Variants in KIAA0825 observed in about 807,000 individuals in gnomAD.
KIAA0825 encodes KIAA0825.
A neutral mutation model predicts 147.6 loss-of-function variants in KIAA0825; 119 were observed. The observed-to-expected ratio is 0.81, with a 90% CI of 0.69 to 0.94. The LOEUF is 0.94. Ranked by LOEUF, KIAA0825 falls within the 40% of genes least tolerant of loss-of-function variation. KIAA0825 has a pLI of 0.00. For synonymous variants in KIAA0825, 470 were observed against 518.1 expected, an observed-to-expected ratio of 0.91 and a Z score of 1.26; for missense variants, 1,381 against 1,472.7, an observed-to-expected ratio of 0.94 and a Z score of 1.02.
intron 20 of KIAA0825, among the ~76,000 whole-genome samples, chr5:94,376,218 T>C: frequency 6.6e-6 from 1 of 152,170 alleles, no homozygotes; most frequent in Non-Finnish European, 1.5e-5. Flanking sequence ...TTACAGTAAA[T>C]ATGCAGCTAA....
intron 14 of KIAA0825, among the ~76,000 whole-genome samples, chr5:94,421,060 C>T (rs1754120204): frequency 6.6e-6 from 1 of 152,118 alleles, no homozygotes; most frequent in Non-Finnish European, 1.5e-5. Context: ...TCCTTTTTGG[C>T]ATATCTTTTC....
intron 20 of KIAA0825, among the ~76,000 whole-genome samples, chr5:94,258,787 G>C (rs1200962298): frequency 6.6e-6 from 1 of 151,894 alleles, no homozygotes; most frequent in Non-Finnish European, 1.5e-5. Flanking sequence ...GTTTCTAAAA[G>C]GTAATGACTA....
intron 2 of KIAA0825, among the ~76,000 whole-genome samples, chr5:94,537,583 G>T (rs1371585737): frequency 2.0e-5 from 3 of 149,960 alleles, no homozygotes; most frequent in Non-Finnish European, 4.4e-5. Context: ...CCCAGATGGA[G>T]CTTGCAGTGA....
chr5:94,551,182 A>T (rs148169817), intron 2 of KIAA0825, among the ~76,000 whole-genome samples: 1 of 151,190 alleles, frequency 6.6e-6, no homozygotes, highest in Admixed American at 6.6e-5. Flanking sequence ...ATACAGGAAG[A>T]AAAAAAAATG....
chr5:94,365,510 A>C (rs926699038), intron 20 of KIAA0825, among the ~76,000 whole-genome samples: 2 of 152,228 alleles, frequency 1.3e-5, no homozygotes, highest in Non-Finnish European at 2.9e-5. Flanking sequence ...CCTGTTGCAC[A>C]GTAGATTATT....
chr5:94,476,732 A>G (rs977745261), intron 7 of KIAA0825, among the ~76,000 whole-genome samples: 1 of 152,152 alleles, frequency 6.6e-6, no homozygotes, highest in African/African-American at 2.4e-5. Context: ...GGGACCAAAC[A>G]ATCACAGGAT....
intron 14 of KIAA0825, among the ~76,000 whole-genome samples, chr5:94,435,803 T>G (rs1756287280): frequency 1.3e-5 from 2 of 152,204 alleles, no homozygotes; most frequent in Non-Finnish European, 2.9e-5. Flanking sequence ...GACTTTTTAA[T>G]GATAGCCATT....
intron 20 of KIAA0825, among the ~76,000 whole-genome samples, chr5:94,244,864 TTACTC>T (rs1775527251): frequency 6.6e-6 from 1 of 152,216 alleles, no homozygotes; most frequent in South Asian, 2.1e-4. Flanking sequence ...ACAATTATGA[TTACTC>T]TATAGTTTTA....
At chr5:94,335,700 T>C (rs1317652564) in intron 20 of KIAA0825, among the ~76,000 whole-genome samples, 1 of 152,138 alleles carries the variant, frequency 6.6e-6, no homozygotes, top group Non-Finnish European at 1.5e-5. Flanking sequence ...GCATTTATCC[T>C]ATTCCCATTT....
At chr5:94,326,075 A>G (rs1780657000) in intron 20 of KIAA0825, among the ~76,000 whole-genome samples, 1 of 152,060 alleles carries the variant, frequency 6.6e-6, no homozygotes, top group Non-Finnish European at 1.5e-5. Context: ...CTTTTTAAAG[A>G]TATTATGTGT....
rs186482136 is a variant in KIAA0825, at chr5:94,475,037, C to T, written c.1228-1518G>A. On this transcript the variant is annotated intron_variant, in intron 7 of 20. Coordinates refer to ENST00000682413, the MANE Select transcript of KIAA0825 (RefSeq NM_001145678.3). ...CTGGGAGGCGGAGGTTGCAGTGAGC[C>T]GAGATGGCACCACTGCACTCCAGCC... Among the ~76,000 whole-genome samples the T allele has an allele frequency of 6.0e-3, 908 of 150,754 alleles. 13 individuals are homozygous for T. The highest frequency in any genetic ancestry group is 0.021 in the African/African-American group (873 of 40,920).
At chr5:94,531,448 T>C (rs1200719718) in intron 3 of KIAA0825, among the ~76,000 whole-genome samples, 1 of 152,176 alleles carries the variant, frequency 6.6e-6, no homozygotes, top group African/African-American at 2.4e-5. Context: ...TGCTGAGAGC[T>C]TCAGTGGGAG....
chr5:94,334,717 CA>C, intron 20 of KIAA0825, among the ~76,000 whole-genome samples: 1 of 152,282 alleles, frequency 6.6e-6, no homozygotes, highest in African/African-American at 2.4e-5. Context: ...CTCCTGACCT[CA>C]AACAATTTGC....
chr5:94,341,870 G>A (rs1336692622), intron 20 of KIAA0825, among the ~76,000 whole-genome samples: 1 of 152,058 alleles, frequency 6.6e-6, no homozygotes, highest in Non-Finnish European at 1.5e-5. Context: ...ACTATACTGA[G>A]GGAAATAAAG....
intron 5 of KIAA0825, among the ~76,000 whole-genome samples, chr5:94,506,614 G>A (rs1405610038): frequency 6.6e-6 from 1 of 152,140 alleles, no homozygotes; most frequent in Non-Finnish European, 1.5e-5. Flanking sequence ...TCTAAATTTT[G>A]TCCATGGTTT....
At chr5:94,594,353 A>G in intron 1 of KIAA0825, 3 of 741,850 alleles carry the variant, frequency 4.0e-6, no homozygotes, top group South Asian at 2.7e-5. Context: ...ATGTAGCACA[A>G]CAGCAGATTT....
chr5:94,599,088 C>T (rs1205177361), intron 1 of KIAA0825, among the ~76,000 whole-genome samples: 4 of 151,984 alleles, frequency 2.6e-5, no homozygotes, highest in East Asian at 1.9e-4. Context: ...ACTTATATTC[C>T]CACCAACAGT....
chr5:94,159,694 C>T (rs1319448539), intron 20 of KIAA0825, among the ~76,000 whole-genome samples: 2 of 151,946 alleles, frequency 1.3e-5, no homozygotes, highest in Non-Finnish European at 2.9e-5. Context: ...CTCTGTTCAC[C>T]CTAGCATGGC....
intron 20 of KIAA0825, among the ~76,000 whole-genome samples, chr5:94,373,429 GA>G (rs1244111639): frequency 6.6e-6 from 1 of 152,110 alleles, no homozygotes; most frequent in East Asian, 1.9e-4. Context: ...ATAAAGGAAA[GA>G]AAATTTATAA....
Sources: allele counts gnomAD v4.1 joint callset (sites outside exome capture counted in the v4.1 genomes callset), GRCh38; gene constraint gnomAD v4.1.1; transcripts MANE v1.5; gene names NCBI Gene and HGNC (gene_info 2026-07-23, HGNC 2026-07-21).